DLGAP4: variants seen among roughly 807,000 people sequenced by gnomAD.
DLGAP4 encodes DLG associated protein 4, also known as disks large-associated protein 4.
Under a neutral mutation model 86.9 loss-of-function variants are expected in DLGAP4, and 18 were observed. That is an observed-to-expected ratio of 0.21 (90% CI 0.14 to 0.31). The LOEUF (loss-of-function observed/expected upper bound fraction) is 0.31, where lower values mean the gene tolerates loss of function less well. Ranked by LOEUF, DLGAP4 falls within the 10% of genes least tolerant of loss-of-function variation. The probability of loss-of-function intolerance (pLI) is 1.00; values close to 1 mark genes in which losing one functional copy is unlikely to be tolerated. For missense variants in DLGAP4, 1,085 were observed against 1,362.6 expected (o/e 0.80, Z 3.21); for synonymous variants, 548 against 574.3 (o/e 0.95, Z 0.65).
rs774962083 is a variant in DLGAP4 at position 36,446,904 on chromosome 20, A to G, written c.1615A>G (p.Thr539Ala). 1 of 1,612,032 alleles carries G rather than the reference A, an allele frequency of 6.2e-7. No individual in the cohort carries two copies. ...GCAGTCCCTCTCCCCACCGCCCAGT[A>G]CCGGCAGCCTCAGCAATAGTCGCAC... is the stretch of plus-strand genomic sequence containing the variant. ...SLQSLSPPPS[T>A]GSLSNSRTLP... Residue 539 changes from threonine (T) to alanine (A), a missense_variant, in exon 7 of 13, where the codon ACC becomes GCC. Around this residue, in one of 2 missense-constraint regions of DLGAP4, gnomAD observed 1,082 missense variants for 1,344.1 expected, o/e 0.81. Coordinates refer to ENST00000339266, the MANE Select transcript of DLGAP4 (RefSeq NM_001365621.2).
intron 10 of DLGAP4, among the ~76,000 whole-genome samples, chr20:36,512,102 G>T (rs1182591297): frequency 1.4e-5 from 2 of 141,242 alleles, no homozygotes; most frequent in Non-Finnish European, 3.0e-5. Context: ...CCAGGCTAGA[G>T]TGCAGTGGCG....
At chr20:36,454,213 C>T (rs923331600) in intron 7 of DLGAP4, among the ~76,000 whole-genome samples, 8 of 149,502 alleles carry the variant, frequency 5.4e-5, no homozygotes, top group African/African-American at 1.7e-4. Flanking sequence ...GAGCCAAGAT[C>T]GCACTATTAC....
At chr20:36,424,720 T>TTTTTGTTTG (rs1008628039) in intron 2 of DLGAP4, among the ~76,000 whole-genome samples, 1 of 149,134 alleles carries the variant, frequency 6.7e-6, no homozygotes, top group Non-Finnish European at 1.5e-5. Flanking sequence ...GACTCCTGTT[T>TTTTTGTTTG]TTTTGTTTGT....
intron 2 of DLGAP4, among the ~76,000 whole-genome samples, chr20:36,414,093 G>GGGAT (rs756220439): frequency 2.6e-5 from 4 of 152,164 alleles, no homozygotes; most frequent in African/African-American, 4.8e-5. Flanking sequence ...CCACACCGTT[G>GGGAT]GGATAATCAT....
At chr20:36,450,802 A>C (rs2033717368) in intron 7 of DLGAP4, among the ~76,000 whole-genome samples, 1 of 152,230 alleles carries the variant, frequency 6.6e-6, no homozygotes, top group Non-Finnish European at 1.5e-5. Flanking sequence ...TCCTGTTCAG[A>C]AAAGGGGAAA....
In DLGAP4 at chr20:36,358,361, A is replaced by T. The variant is rs139863870; in HGVS notation, c.-303-8684A>T. ...CTCTTACGCTACTCTGTTGTGGAAC[A>T]TAATGTATGGCACATCTCTTCTCCT... is the stretch of plus-strand genomic sequence containing the variant. On this transcript the variant is annotated intron_variant, in intron 1 of 12. Transcript: ENST00000339266. Among the ~76,000 whole-genome samples the T allele has an allele frequency of 9.2e-5, 14 of 152,308 alleles. 1 individual carries two copies. Among genetic ancestry groups the T allele is most frequent in the Admixed American group, 3.3e-4 (5 of 15,310 alleles).
In DLGAP4 at chr20:36,393,597, G is replaced by A. The variant is rs2031853818; in HGVS notation, c.-73+26322G>A. Among the ~76,000 whole-genome samples, 2 of 152,122 alleles carry A rather than the reference G, an allele frequency of 1.3e-5. No individual in the cohort carries two copies. Among genetic ancestry groups the A allele is most frequent in the Non-Finnish European group, 2.9e-5 (2 of 68,002 alleles). On this transcript the variant is annotated intron_variant, in intron 2 of 12. Transcript: ENST00000339266. This position sits in a 1 kb window ranked among gnomAD's most constrained non-coding sequence, Gnocchi z 4.4. Reference sequence around the variant, plus strand: ...AGGGAAGCGAGCCAGCCGCTGTGGAGACTGACCCAGGCCAGAGCTTGTCCC... The same window carrying A: ...AGGGAAGCGAGCCAGCCGCTGTGGAAACTGACCCAGGCCAGAGCTTGTCCC...
chr20:36,473,736 T>A (rs2034782257), intron 7 of DLGAP4, among the ~76,000 whole-genome samples: 1 of 152,126 alleles, frequency 6.6e-6, no homozygotes, highest in Non-Finnish European at 1.5e-5. Flanking sequence ...AGGTGTGAGC[T>A]ACCATGCCTG....
intron 1 of DLGAP4, among the ~76,000 whole-genome samples, chr20:36,307,254 C>T (rs1216489463): frequency 3.9e-5 from 6 of 152,202 alleles, no homozygotes; most frequent in Admixed American, 2.6e-4. Context: ...GACAGGGGTT[C>T]GCGTTCAGAG....
intron 10 of DLGAP4, among the ~76,000 whole-genome samples, chr20:36,510,288 G>C (rs1003773695): frequency 6.6e-6 from 1 of 150,468 alleles, no homozygotes; most frequent in East Asian, 2.0e-4. Context: ...TTTTTTTGGC[G>C]AGTCTCACTC....
intron 1 of DLGAP4, among the ~76,000 whole-genome samples, chr20:36,309,255 A>G (rs900490316): frequency 7.9e-5 from 12 of 152,118 alleles, no homozygotes; most frequent in African/African-American, 1.4e-4. Flanking sequence ...CCTCTGCTTC[A>G]TTACCCCGTG....
At chr20:36,461,530 C>G in intron 7 of DLGAP4, 7 of 958,964 alleles carry the variant, frequency 7.3e-6, no homozygotes, top group Non-Finnish European at 8.7e-6. Context: ...CGCCGCTGGC[C>G]GCCGCCGCCG....
At chr20:36,365,085 ACT>A (rs1307228774) in intron 1 of DLGAP4, among the ~76,000 whole-genome samples, 6 of 152,104 alleles carry the variant, frequency 3.9e-5, no homozygotes, top group Admixed American at 3.9e-4. Context: ...ACAAAGTAAC[ACT>A]CTGTCTCAAA....
intron 2 of DLGAP4, among the ~76,000 whole-genome samples, chr20:36,403,080 G>A (rs955065199): frequency 6.6e-6 from 1 of 152,232 alleles, no homozygotes; most frequent in East Asian, 1.9e-4. Flanking sequence ...GACAGCCAGA[G>A]CGGATATGTC....
chr20:36,475,518 A>G (rs1223392048), intron 7 of DLGAP4, among the ~76,000 whole-genome samples: 1 of 151,966 alleles, frequency 6.6e-6, no homozygotes, highest in African/African-American at 2.4e-5. Context: ...TCTCCATACA[A>G]TCTCTTACCC....
chr20:36,411,530 A>G (rs1433689739), intron 2 of DLGAP4, among the ~76,000 whole-genome samples: 2 of 152,106 alleles, frequency 1.3e-5, no homozygotes, highest in Non-Finnish European at 2.9e-5. Context: ...GCCCTTTGCT[A>G]ATACAAATAT....
chr20:36,354,766 T>C (rs185340794), intron 1 of DLGAP4, among the ~76,000 whole-genome samples: 98 of 152,074 alleles, frequency 6.4e-4, no homozygotes, highest in African/African-American at 2.3e-3. Flanking sequence ...CCTCATCTCT[T>C]AAAAATGAAA....
In DLGAP4 at chr20:36,436,342, C is replaced by A; in HGVS notation, c.1233C>A (p.Asn411Lys). Residue 411 changes from asparagine to lysine, a missense_variant, in exon 4 of 13, where the codon AAC (asparagine) becomes AAA (lysine). Coordinates refer to ENST00000339266, the MANE Select transcript of DLGAP4 (RefSeq NM_001365621.2). ...AGCAGTCGCTGGGAGAGCAGAGCAACCCCCGCAGGTAGGCGCGCAGCTCCA... is the reference window on the plus strand; with the variant it reads ...AGCAGTCGCTGGGAGAGCAGAGCAAACCCCGCAGGTAGGCGCGCAGCTCCA... ...ATQQSLGEQS[N>K]PRRSLDRLDS... 1 of 1,594,440 alleles carries A rather than the reference C, an allele frequency of 6.3e-7. No homozygotes were observed. Among genetic ancestry groups the A allele is most frequent in the Non-Finnish European group, 8.5e-7 (1 of 1,173,954 alleles).
intron 1 of DLGAP4, among the ~76,000 whole-genome samples, chr20:36,311,236 G>C (rs1009069384): frequency 6.6e-6 from 1 of 151,720 alleles, no homozygotes; most frequent in South Asian, 2.1e-4. Context: ...CGGAGGGTGG[G>C]GGGGGTGGAC....
Sources: allele counts gnomAD v4.1 joint callset (sites outside exome capture counted in the v4.1 genomes callset), GRCh38; gene constraint gnomAD v4.1.1; regional missense constraint gnomAD v4.1.1; non-coding constraint Gnocchi (gnomAD v3.1); transcripts MANE v1.5; gene names NCBI Gene and HGNC (gene_info 2026-07-23, HGNC 2026-07-21).